The following TEAD2 variants were observed in gnomAD, a reference collection of about 807,000 sequenced individuals.
TEAD2 encodes the protein TEA domain transcription factor 2, also known as transcriptional enhancer factor TEF-4.
TEAD2 carries 51 observed loss-of-function variants against 61.4 expected under a neutral mutation model. The observed-to-expected ratio is 0.83, with a 90% CI of 0.66 to 1.05. The LOEUF is 1.05. Among genes scored for constraint, TEAD2 ranks in the 50% least tolerant of loss-of-function variants. The pLI is 0.00. For synonymous variants in TEAD2, 244 were observed against 243.2 expected, an observed-to-expected ratio of 1.00 and a Z score of -0.03; for missense variants, 509 against 600.0, an observed-to-expected ratio of 0.85 and a Z score of 1.58.
rs115042638 is a variant in TEAD2 at position 49,346,834 on chromosome 19, G to A, written c.921+356C>T. On this transcript the variant is annotated intron_variant, in intron 10 of 12. Transcript: ENST00000593945. The stretch of plus-strand genomic sequence containing the variant: ...ACAAGTCCACTGGCTACGGGGAGGG[G>A]TCTTTCCTTAGCAGCACGGCTTGGT... 4.5e-3 allele frequency among the ~76,000 whole-genome samples: 678 copies of A among 152,318 alleles called. 6 individuals are homozygous for A. Among genetic ancestry groups the A allele is most frequent in the African/African-American group, 0.016 (645 of 41,558 alleles).
chr19:49,359,589 G>T lies in TEAD2; in HGVS notation c.233-90C>A. 1 of 1,444,618 alleles carries T rather than the reference G, an allele frequency of 6.9e-7. No homozygotes were observed. Among genetic ancestry groups the T allele is most frequent in the Non-Finnish European group, 9.7e-7 (1 of 1,031,454 alleles). 89.5% of individuals were successfully genotyped at this position (1,444,618 alleles called of 1,614,324 possible). ...ACCAGGGAAGAAGAAAGCAGCATGGGTCCCCAAAGGTCTGCAGCAAGTGGG... is the reference window on the plus strand; with the variant it reads ...ACCAGGGAAGAAGAAAGCAGCATGGTTCCCCAAAGGTCTGCAGCAAGTGGG... On this transcript the variant is annotated intron_variant, in intron 2 of 12. Transcript: ENST00000593945. This position sits in a 1 kb window ranked among gnomAD's most constrained non-coding sequence, Gnocchi z 4.1.
chr19:49,361,907 G>A (rs953019314), intron 1 of TEAD2: 3 of 152,556 alleles, frequency 2.0e-5, no homozygotes, highest in African/African-American at 4.8e-5. Flanking sequence ...GTGGAGCCGG[G>A]TAAGAAAGGT....
chr19:49,343,180 C>T, intron 11 of TEAD2, 51 bp downstream of exon 11: 1 of 1,549,766 alleles, frequency 6.5e-7, no homozygotes, highest in South Asian at 1.2e-5. Flanking sequence ...GGCTTCTGGT[C>T]CATTCTGCAC....
rs769749955 is a variant in TEAD2, at chr19:49,341,434, C to T, written c.1246G>A (p.Val416Met). Reference protein sequence around the residue: ...VLENFTILQVVTNRDTQELLL... With the variant: ...VLENFTILQVMTNRDTQELLL... ...AGTTCCTGGGTGTCTCTGTTTGTCA[C>T]CACCTGCCAGGAAGGCCAGGACAAG... is the stretch of plus-strand genomic sequence containing the variant. Residue 416 changes from valine to methionine, a missense_variant, in exon 13 of 13, where the codon GTG becomes ATG. Physicochemically the swap from Val to Met is conservative, Grantham distance 21 (BLOSUM62 1). Transcript: ENST00000593945. The surrounding 1 kb of genome is among the most constrained non-coding windows in gnomAD (Gnocchi z 4.2). 5.0e-6 allele frequency: 8 copies of T among 1,613,722 alleles called. No individual in the cohort carries two copies. Among genetic ancestry groups the T allele is most frequent in the East Asian group, 2.2e-5 (1 of 44,870 alleles).
At chr19:49,357,509 C>G in intron 3 of TEAD2, 195 bp from the exon 4 acceptor site, 3 of 624,408 alleles carry the variant, frequency 4.8e-6, no homozygotes, top group Non-Finnish European at 2.9e-6. Flanking sequence ...CGGACCCTCC[C>G]GGGACCCATC....
intron 7 of TEAD2, 123 bp from the exon 8 acceptor site, chr19:49,351,488 C>T: frequency 2.3e-6 from 2 of 862,398 alleles, no homozygotes; most frequent in Admixed American, 2.8e-5. Context: ...TCACTGAAGC[C>T]TCACAGTGCG....
At chr19:49,348,463 G>C (rs570236301) in intron 9 of TEAD2, among the ~76,000 whole-genome samples, 77 of 149,550 alleles carry the variant, frequency 5.1e-4, no homozygotes, top group African/African-American at 1.9e-3. Context: ...CTTTATGCTA[G>C]TAGTTCTCAA....
At chr19:49,360,360 C>CGGGGGCTG (rs915965817) in intron 1 of TEAD2, 14 of 401,496 alleles carry the variant, frequency 3.5e-5, no homozygotes, top group African/African-American at 3.3e-4. Flanking sequence ...TCTGAGGGAG[C>CGGGGGCTG]GGGGGCTGGA....
In TEAD2 at chr19:49,347,313, T is replaced by G; in HGVS notation, c.798A>C (p.Gly266=). The G allele has an allele frequency of 1.2e-6, 2 of 1,613,224 alleles. No individual in the cohort carries two copies. Among genetic ancestry groups the G allele is most frequent in the Non-Finnish European group, 1.7e-6 (2 of 1,180,008 alleles). The change falls in exon 10 of 13, where the codon GGA becomes GGC. Residue 266 remains glycine (G), a synonymous_variant. Coordinates refer to ENST00000593945, the MANE Select transcript of TEAD2 (RefSeq NM_001256660.2). ...CGTCCACACTCTCGAGCGGCGGCGC[T>G]CCGGGGCTGGGGCAGTGCTGGCTGA... is the stretch of plus-strand genomic sequence containing the variant. The part of the protein sequence containing the change: ...VHISQHCPSP[G]APPLESVDVR...
chr19:49,359,288 C>T lies in TEAD2; in HGVS notation c.297+147G>A. On this transcript the variant is annotated intron_variant, in intron 3 of 12. Coordinates refer to ENST00000593945, the MANE Select transcript of TEAD2 (RefSeq NM_001256660.2). This position sits in a 1 kb window ranked among gnomAD's most constrained non-coding sequence, Gnocchi z 4.1. The stretch of plus-strand genomic sequence containing the variant: ...CCCAGCCTCGGGTAATTCTTTATAG[C>T]AATACAAACGGACTAACACACATGC... The T allele has an allele frequency of 1.4e-6, 1 of 713,854 alleles. No individual in the cohort carries two copies. The highest frequency in any genetic ancestry group is 2.5e-6 in the Non-Finnish European group (1 of 400,626). The allele number at this position is 713,854 out of a possible 1,614,324, so 44.2% of individuals were successfully genotyped here. A position where few individuals can be genotyped will look rare whatever the true frequency, so the allele number is the denominator to read the frequency against.
intron 4 of TEAD2, 75 bp from the exon 5 acceptor site, chr19:49,356,045 C>A: frequency 1.7e-6 from 2 of 1,164,304 alleles, no homozygotes; most frequent in Non-Finnish European, 2.2e-6. Context: ...CGGACTCCCC[C>A]ACCTCCCTGC....
rs570834844 is a variant in TEAD2, at chr19:49,352,333, T to C, written c.540-968A>G. On this transcript the variant is annotated intron_variant, in intron 7 of 12. Transcript: ENST00000593945. ...AATCTTTAATTTTATTTAATTTTAA[T>C]TTAAATAGCTGCATGAGGCTAGTGG... Among the ~76,000 whole-genome samples the C allele has an allele frequency of 1.3e-3, 195 of 152,274 alleles. 1 individual carries two copies. Among genetic ancestry groups the C allele is most frequent in the Middle Eastern group, 6.8e-3 (2 of 294 alleles).
Position 49,360,033 on chromosome 19 carries a change from C to A in TEAD2, c.43G>T (p.Gly15Cys). Residue 15 changes from glycine to cysteine, a missense_variant, in exon 2 of 13, where the codon GGC (glycine) becomes TGC (cysteine). Gly to Cys is a radical substitution (Grantham distance 159). Coordinates refer to ENST00000593945, the MANE Select transcript of TEAD2 (RefSeq NM_001256660.2). Reference sequence around the variant, plus strand: ...CTGCCTTCCTCACTGCCCGTCCAGCCGCTGCCATCGTCCAGGGCGGCCCCA... The same window carrying A: ...CTGCCTTCCTCACTGCCCGTCCAGCAGCTGCCATCGTCCAGGGCGGCCCCA... ...RAGAALDDGS[G>C]WTGSEEGSEE... is the part of the protein sequence containing the mutation. The A allele has an allele frequency of 6.2e-7, 1 of 1,608,532 alleles. No individual in the cohort carries two copies. Among genetic ancestry groups the A allele is most frequent in the Non-Finnish European group, 8.5e-7 (1 of 1,179,888 alleles).
intron 3 of TEAD2, among the ~76,000 whole-genome samples, chr19:49,358,407 T>A (rs998309094): frequency 4.6e-5 from 7 of 152,032 alleles, no homozygotes; most frequent in African/African-American, 1.7e-4. Flanking sequence ...ACAGTGACTT[T>A]TCTCTCAAAA....
intron 10 of TEAD2, among the ~76,000 whole-genome samples, chr19:49,346,900 C>T (rs1316085247): frequency 6.6e-6 from 1 of 152,186 alleles, no homozygotes; most frequent in Non-Finnish European, 1.5e-5. Context: ...ACATGGCAAG[C>T]CCATGCCCAG....
At chr19:49,357,426 A>C in intron 3 of TEAD2, 112 bp from the exon 4 acceptor site, 1 of 1,122,770 alleles carries the variant, frequency 8.9e-7, no homozygotes, top group Non-Finnish European at 1.3e-6. Flanking sequence ...GAAAGGTGAA[A>C]AACACACTGA....
chr19:49,355,261 C>T lies in TEAD2; in HGVS notation c.480+51G>A, dbSNP rs1316205800. ...TCAGTCCCCTGTGGACAGCTGCAGC[C>T]CCATCCATCCCCCTTTGCCCCCACG... On this transcript the variant is annotated intron_variant, in intron 6 of 12. Coordinates refer to ENST00000593945, the MANE Select transcript of TEAD2 (RefSeq NM_001256660.2). 6.8e-6 allele frequency: 11 copies of T among 1,613,110 alleles called. No individual in the cohort carries two copies. In the Admixed American group the frequency reaches 1.2e-4, roughly 17 times the overall value.
Position 49,347,190 on chromosome 19 carries a change from C to T in TEAD2, c.921G>A (p.Trp307Ter), listed in dbSNP as rs550425346. Residue 307 changes from tryptophan to a stop codon, truncating the protein, a stop_gained and splice_region_variant, in exon 10 of 13, where the codon TGG becomes TGA. Coordinates refer to ENST00000593945, the MANE Select transcript of TEAD2 (RefSeq NM_001256660.2). LOFTEE classifies it high-confidence loss of function. ...TTTTGATTTTGCTGTGAGAACTCAC[C>T]CAGAACTTGACCAGGAAGAAGGCAT... ...PPHAFFLVKF[W>*]ADLNWGPSGE... 3 of 1,613,340 alleles carry T rather than the reference C, an allele frequency of 1.9e-6. No individual in the cohort carries two copies. The South Asian group carries it at 3.3e-5, about 18-fold the overall frequency.
At position 49,341,918 on chromosome 19, in the gene TEAD2, C is replaced by T. The variant is rs987886911; in HGVS notation, c.1243-481G>A. 6.6e-6 allele frequency among the ~76,000 whole-genome samples: 1 copy of T among 152,066 alleles called. No homozygotes were observed. Among genetic ancestry groups the T allele is most frequent in the Non-Finnish European group, 1.5e-5 (1 of 68,012 alleles). ...TATGTGCGAGTGCTGTGGGGCTGGG[C>T]GTGGTGGCTCACACCTGTAATCCCA... On this transcript the variant is annotated intron_variant, in intron 12 of 12. Coordinates refer to ENST00000593945, the MANE Select transcript of TEAD2 (RefSeq NM_001256660.2). The surrounding 1 kb of genome is among the most constrained non-coding windows in gnomAD (Gnocchi z 4.2).
Sources: allele counts gnomAD v4.1 joint callset (sites outside exome capture counted in the v4.1 genomes callset), GRCh38; gene constraint gnomAD v4.1.1; non-coding constraint Gnocchi (gnomAD v3.1); transcripts MANE v1.5; gene names NCBI Gene and HGNC (gene_info 2026-07-23, HGNC 2026-07-21).